TMTC2: variants seen among roughly 807,000 people sequenced by gnomAD.
TMTC2 encodes transmembrane O-mannosyltransferase targeting cadherins 2.
A neutral mutation model predicts 82.4 loss-of-function variants in TMTC2; 43 were observed. That is an observed-to-expected ratio of 0.52 (90% CI 0.41 to 0.67). TMTC2 has a LOEUF of 0.67. Among genes scored for constraint, TMTC2 ranks in the 30% least tolerant of loss-of-function variants. The pLI is 0.00. For missense variants in TMTC2, 919 were observed against 1,012.4 expected (o/e 0.91, Z 1.25); for synonymous variants, 408 against 381.9 (o/e 1.07, Z -0.80).
intron 1 of TMTC2, among the ~76,000 whole-genome samples, chr12:82,800,674 G>A (rs966201252): frequency 3.9e-5 from 6 of 152,174 alleles, no homozygotes; most frequent in Non-Finnish European, 7.4e-5. Context: ...GCTTGGAAAT[G>A]TATGACTTAC....
intron 1 of TMTC2, among the ~76,000 whole-genome samples, chr12:82,795,853 G>A (rs1878693026): frequency 6.6e-6 from 1 of 152,146 alleles, no homozygotes; most frequent in Non-Finnish European, 1.5e-5. Context: ...AAATTTTTCT[G>A]TAAGTTATCC....
chr12:82,938,058 T>G (rs1209557685), intron 4 of TMTC2, among the ~76,000 whole-genome samples: 1 of 151,250 alleles, frequency 6.6e-6, no homozygotes, highest in Admixed American at 6.6e-5. Flanking sequence ...GGGATACAGA[T>G]ACCCACCACC....
chr12:82,961,553 A>G (rs1223635089), intron 4 of TMTC2, among the ~76,000 whole-genome samples: 1 of 152,140 alleles, frequency 6.6e-6, no homozygotes, highest in Non-Finnish European at 1.5e-5. Flanking sequence ...AACTGTTCTA[A>G]TTCTGGCTTT....
intron 11 of TMTC2, among the ~76,000 whole-genome samples, chr12:83,131,844 T>C (rs1162608876): frequency 1.3e-5 from 2 of 152,234 alleles, no homozygotes; most frequent in Non-Finnish European, 2.9e-5. Flanking sequence ...TTTCTTGTCA[T>C]TGAATTGAAA....
chr12:83,129,185 CT>C (rs1260670595), intron 11 of TMTC2, among the ~76,000 whole-genome samples: 1 of 152,098 alleles, frequency 6.6e-6, no homozygotes, highest in East Asian at 1.9e-4. Context: ...AAATGTATAG[CT>C]GCTTAAATAT....
intron 11 of TMTC2, among the ~76,000 whole-genome samples, chr12:83,080,733 G>A (rs1435175728): frequency 1.3e-5 from 2 of 152,154 alleles, no homozygotes; most frequent in South Asian, 2.1e-4. Context: ...GACAGTTCTT[G>A]TCTAAAATAT....
At chr12:83,044,186 T>C (rs1191802456) in intron 9 of TMTC2, among the ~76,000 whole-genome samples, 2 of 152,192 alleles carry the variant, frequency 1.3e-5, no homozygotes, top group Non-Finnish European at 2.9e-5. Flanking sequence ...TAGCTTGCTC[T>C]TGAAGATGAG....
At chr12:82,735,577 C>T (rs1418790879) in intron 1 of TMTC2, among the ~76,000 whole-genome samples, 3 of 151,866 alleles carry the variant, frequency 2.0e-5, no homozygotes, top group East Asian at 3.9e-4. Context: ...GATCTCCTGA[C>T]CTTGTGATCC....
chr12:82,933,127 G>C (rs1314610411), intron 4 of TMTC2, among the ~76,000 whole-genome samples: 1 of 152,140 alleles, frequency 6.6e-6, no homozygotes, highest in Non-Finnish European at 1.5e-5. Flanking sequence ...TTACTAATAT[G>C]ATGGGTCTTT....
chr12:82,845,033 G>C (rs557008761), intron 1 of TMTC2, among the ~76,000 whole-genome samples: 1 of 150,464 alleles, frequency 6.6e-6, no homozygotes, highest in Admixed American at 6.6e-5. Flanking sequence ...TTCAAGACCA[G>C]CCTGGCCAAC....
chr12:82,885,548 T>TG, intron 2 of TMTC2, among the ~76,000 whole-genome samples: 1 of 151,278 alleles, frequency 6.6e-6, no homozygotes, highest in Admixed American at 6.6e-5. Context: ...TTTTTTTTTT[T>TG]CTATAGAGAT....
chr12:82,789,799 C>T (rs564533830), intron 1 of TMTC2, among the ~76,000 whole-genome samples: 1 of 152,210 alleles, frequency 6.6e-6, no homozygotes, highest in South Asian at 2.1e-4. Flanking sequence ...TTGCTTTATG[C>T]CCTCAGTTTG....
chr12:82,776,603 G>A (rs1303281846), intron 1 of TMTC2, among the ~76,000 whole-genome samples: 1 of 134,036 alleles, frequency 7.5e-6, no homozygotes, highest in African/African-American at 2.8e-5. Context: ...ACAGAAAGAT[G>A]TTGTCTCTAA....
intron 11 of TMTC2, among the ~76,000 whole-genome samples, chr12:83,092,678 A>G (rs751054453): frequency 5.9e-5 from 9 of 152,186 alleles, no homozygotes; most frequent in Non-Finnish European, 1.2e-4. Context: ...GCGTAGTTCA[A>G]TCAAATAGAA....
chr12:82,902,873 A>G (rs931460844), intron 3 of TMTC2, among the ~76,000 whole-genome samples: 1 of 152,194 alleles, frequency 6.6e-6, no homozygotes, highest in East Asian at 1.9e-4. Context: ...TAAAAGCTGA[A>G]AAAATAAAAA....
chr12:82,933,912 G>C (rs1220806867), intron 4 of TMTC2, among the ~76,000 whole-genome samples: 1 of 152,072 alleles, frequency 6.6e-6, no homozygotes, highest in African/African-American at 2.4e-5. Flanking sequence ...AATATTTGAG[G>C]ACAGCTTTTT....
chr12:82,896,699 T>C (rs1187539651), intron 3 of TMTC2, 53 bp downstream of exon 3: 1 of 1,407,030 alleles, frequency 7.1e-7, no homozygotes, highest in African/African-American at 1.4e-5. Context: ...TCAGCCTCTT[T>C]ATATCTTTGC....
At chr12:83,090,679 T>TTCCA (rs1196296401) in intron 11 of TMTC2, among the ~76,000 whole-genome samples, 2 of 152,168 alleles carry the variant, frequency 1.3e-5, no homozygotes, top group African/African-American at 4.8e-5. Flanking sequence ...TATTGGCCCT[T>TTCCA]TCCATGCTCC....
chr12:83,035,583 T>A (rs1211980496), intron 9 of TMTC2, among the ~76,000 whole-genome samples: 17 of 152,228 alleles, frequency 1.1e-4, no homozygotes, highest in Admixed American at 1.1e-3. Flanking sequence ...ATGGTATAAG[T>A]AATAATACAA....
Sources: gnomAD v4.1 joint callset for allele counts (sites outside exome capture counted in the v4.1 genomes callset) on GRCh38, gnomAD v4.1.1 for gene constraint, MANE v1.5 for transcripts, NCBI Gene and HGNC (gene_info 2026-07-23, HGNC 2026-07-21) for gene names.